HAPLN1: variants seen among roughly 807,000 people sequenced by gnomAD.
HAPLN1 encodes hyaluronan and proteoglycan link protein 1, also known as Cartilage link protein.
HAPLN1 carries 13 observed loss-of-function variants against 36.5 expected under a neutral mutation model. That is an observed-to-expected ratio of 0.36 (90% CI 0.23 to 0.57). HAPLN1 has a LOEUF of 0.57. Among genes scored for constraint, HAPLN1 ranks in the 20% least tolerant of loss-of-function variants. The pLI, the probability that HAPLN1 is intolerant of heterozygous loss-of-function variation, is 0.83. For missense variants in HAPLN1, 407 were observed against 439.7 expected (o/e 0.93, Z 0.66); for synonymous variants, 202 against 169.8 (o/e 1.19, Z -1.48).
intron 3 of HAPLN1, among the ~76,000 whole-genome samples, chr5:83,645,185 A>G (rs1203482972): frequency 2.0e-5 from 3 of 152,236 alleles, no homozygotes; most frequent in Admixed American, 6.5e-5. Context: ...TTTTTCCTAT[A>G]TAATTAGTAA....
chr5:83,651,010 AT>A (rs1190491888), intron 3 of HAPLN1, among the ~76,000 whole-genome samples: 2 of 151,846 alleles, frequency 1.3e-5, no homozygotes, highest in Non-Finnish European at 2.9e-5. Flanking sequence ...ATTTTATTGT[AT>A]TTATTTTTAT....
chr5:83,684,662 G>A (rs1012871840), intron 1 of HAPLN1, among the ~76,000 whole-genome samples: 4 of 152,192 alleles, frequency 2.6e-5, no homozygotes, highest in African/African-American at 9.6e-5. Flanking sequence ...AGCTCGTGTA[G>A]TTGGAGAGTG....
Position 83,691,725 on chromosome 5 carries a change from C to A in HAPLN1, c.-26-18176G>T, listed in dbSNP as rs542540011. On this transcript the variant is annotated intron_variant, in intron 1 of 4. Transcript: ENST00000274341. ...ATCCAACAGAAAGCTACTGGGCTTACAAAGAAGCAGGGCATACCAATAATA... is the reference window on the plus strand; with the variant it reads ...ATCCAACAGAAAGCTACTGGGCTTAAAAAGAAGCAGGGCATACCAATAATA... 2.3e-3 allele frequency among the ~76,000 whole-genome samples: 343 copies of A among 151,598 alleles called. 2 individuals are homozygous for A. Among genetic ancestry groups the A allele is most frequent in the African/African-American group, 8.1e-3 (334 of 41,418 alleles).
chr5:83,696,804 A>T (rs1177046029), intron 1 of HAPLN1, among the ~76,000 whole-genome samples: 1 of 152,180 alleles, frequency 6.6e-6, no homozygotes, highest in Non-Finnish European at 1.5e-5. Flanking sequence ...GTCCATGCTC[A>T]TCAGTCACTT....
intron 1 of HAPLN1, among the ~76,000 whole-genome samples, chr5:83,675,134 C>G (rs1580142066): frequency 6.6e-6 from 1 of 152,096 alleles, no homozygotes; most frequent in Admixed American, 6.6e-5. Context: ...TTTGTAGTCA[C>G]TAACTTTTGT....
At chr5:83,659,056 C>T (rs902304026) in intron 2 of HAPLN1, among the ~76,000 whole-genome samples, 1 of 152,032 alleles carries the variant, frequency 6.6e-6, no homozygotes, top group Non-Finnish European at 1.5e-5. Flanking sequence ...GGTGGATCAC[C>T]TGAGGTCAGG....
At chr5:83,647,317 C>T (rs1262300375) in intron 3 of HAPLN1, among the ~76,000 whole-genome samples, 1 of 152,092 alleles carries the variant, frequency 6.6e-6, no homozygotes, top group Non-Finnish European at 1.5e-5. Flanking sequence ...TGTATCAGCT[C>T]AAAAGATTTA....
chr5:83,681,609 C>A (rs988423006), intron 1 of HAPLN1, among the ~76,000 whole-genome samples: 2 of 152,026 alleles, frequency 1.3e-5, no homozygotes, highest in Non-Finnish European at 2.9e-5. Flanking sequence ...CTCCTGGGCT[C>A]AAGTGATTCT....
At chr5:83,678,529 T>A (rs1408688359) in intron 1 of HAPLN1, among the ~76,000 whole-genome samples, 1 of 152,282 alleles carries the variant, frequency 6.6e-6, no homozygotes, top group East Asian at 1.9e-4. Context: ...ACTGACGGTC[T>A]AGGAAATATC....
At chr5:83,685,580 T>A (rs1028278402) in intron 1 of HAPLN1, among the ~76,000 whole-genome samples, 1 of 152,204 alleles carries the variant, frequency 6.6e-6, no homozygotes, top group African/African-American at 2.4e-5. Context: ...CGTGCTAATG[T>A]TACAAAAGTG....
chr5:83,707,561 T>C (rs141561207), intron 1 of HAPLN1, among the ~76,000 whole-genome samples: 271 of 152,302 alleles, frequency 1.8e-3, no homozygotes, highest in African/African-American at 6.2e-3. Context: ...ATCTCTTCCT[T>C]AAGCCATATA....
chr5:83,665,824 C>T (rs1750535924), intron 2 of HAPLN1, among the ~76,000 whole-genome samples: 1 of 152,160 alleles, frequency 6.6e-6, no homozygotes, highest in African/African-American at 2.4e-5. Context: ...TTACTCCACA[C>T]ACCTTAGACA....
intron 2 of HAPLN1, among the ~76,000 whole-genome samples, chr5:83,661,088 C>T (rs1165968706): frequency 6.6e-6 from 1 of 152,132 alleles, no homozygotes; most frequent in East Asian, 1.9e-4. Context: ...TCTTGAGGAT[C>T]GCCTAATCTA....
chr5:83,682,883 A>G (rs1034450011), intron 1 of HAPLN1, among the ~76,000 whole-genome samples: 4 of 151,988 alleles, frequency 2.6e-5, no homozygotes, highest in South Asian at 2.1e-4. Context: ...AAAACTAAAT[A>G]ATTCTCATTT....
At chr5:83,711,845 C>A (rs1039094555) in intron 1 of HAPLN1, among the ~76,000 whole-genome samples, 1 of 152,026 alleles carries the variant, frequency 6.6e-6, no homozygotes, top group Non-Finnish European at 1.5e-5. Flanking sequence ...ATAATGAGCT[C>A]AATTCTGGAA....
In HAPLN1 at chr5:83,643,551, T is replaced by C. The variant is rs138304754; in HGVS notation, c.775+812A>G. 5.9e-5 allele frequency among the ~76,000 whole-genome samples: 9 copies of C among 152,248 alleles called. No homozygotes were observed. The East Asian group carries it at 1.7e-3, about 29-fold the overall frequency. Reference sequence around the variant, plus strand: ...TTAGTTTAATGTTCCGCTGTCACCATCTTAAAATTTTTAACAGTTTTGAAC... The same window carrying C: ...TTAGTTTAATGTTCCGCTGTCACCACCTTAAAATTTTTAACAGTTTTGAAC... On this transcript the variant is annotated intron_variant, in intron 4 of 4. Transcript: ENST00000274341.
chr5:83,680,380 T>C lies in HAPLN1; in HGVS notation c.-26-6831A>G, dbSNP rs563479335. ...TAGGGTATATGGGGAAAGCAGTACA[T>C]ATATATACTAATAAATGCAGGGACC... is the stretch of plus-strand genomic sequence containing the variant. On this transcript the variant is annotated intron_variant, in intron 1 of 4. Transcript: ENST00000274341. Among the ~76,000 whole-genome samples the C allele has an allele frequency of 1.2e-3, 185 of 152,306 alleles. 2 individuals are homozygous for C. The highest frequency in any genetic ancestry group is 4.1e-3 in the African/African-American group (172 of 41,570).
chr5:83,644,117 A>G (rs1048743359), intron 4 of HAPLN1, among the ~76,000 whole-genome samples: 2 of 152,204 alleles, frequency 1.3e-5, no homozygotes, highest in Non-Finnish European at 2.9e-5. Flanking sequence ...AGTTTCAATT[A>G]TTTCATATAA....
intron 3 of HAPLN1, 41 bp from the exon 4 acceptor site, chr5:83,644,706 A>T: frequency 7.3e-7 from 1 of 1,366,550 alleles, no homozygotes; most frequent in Non-Finnish European, 9.6e-7. Context: ...GAAGCCCCAA[A>T]ACTAACAACT....
Sources: allele counts gnomAD v4.1 joint callset (sites outside exome capture counted in the v4.1 genomes callset), GRCh38; gene constraint gnomAD v4.1.1; transcripts MANE v1.5; gene names NCBI Gene and HGNC (gene_info 2026-07-23, HGNC 2026-07-21).